NEBL: variants seen among roughly 807,000 people sequenced by gnomAD.
NEBL encodes the protein LIM and SH3 protein 2.
Under a neutral mutation model 140.2 loss-of-function variants are expected in NEBL, and 122 were observed. The observed-to-expected ratio is 0.87, with a 90% CI of 0.75 to 1.01. NEBL has a LOEUF of 1.01. Among genes scored for constraint, NEBL ranks in the 50% least tolerant of loss-of-function variants. The pLI, the probability that NEBL is intolerant of heterozygous loss-of-function variation, is 0.00. For missense variants in NEBL, 1,365 were observed against 1,231.3 expected, an observed-to-expected ratio of 1.11 and a Z score of -1.62; for synonymous variants, 436 against 398.9, an observed-to-expected ratio of 1.09 and a Z score of -1.11.
In NEBL at chr10:20,802,416, T is replaced by C. The variant is rs549390704; in HGVS notation, c.2761+6094A>G. On this transcript the variant is annotated intron_variant, in intron 26 of 27. Coordinates refer to ENST00000377122, the MANE Select transcript of NEBL (RefSeq NM_006393.3). The stretch of plus-strand genomic sequence containing the variant: ...ATTCATGAATCAAAACAAAATTGGG[T>C]AGAGGTTAAATAAAAGCCTCTGTTC... 1.6e-4 allele frequency among the ~76,000 whole-genome samples: 24 copies of C among 152,260 alleles called. 1 individual carries two copies. The highest frequency in any genetic ancestry group is 5.8e-4 in the African/African-American group (24 of 41,522).
At chr10:20,862,603 G>A (rs921079090) in intron 7 of NEBL, among the ~76,000 whole-genome samples, 1 of 152,156 alleles carries the variant, frequency 6.6e-6, no homozygotes, top group Non-Finnish European at 1.5e-5. Flanking sequence ...ATGCAGGTTT[G>A]CATCTTCTGA....
chr10:20,908,433 C>A (rs1848191151), intron 4 of NEBL, among the ~76,000 whole-genome samples: 1 of 152,112 alleles, frequency 6.6e-6, no homozygotes, highest in Admixed American at 6.5e-5. Flanking sequence ...TCCCTGTGAT[C>A]AGTGAAAACA....
intron 2 of NEBL, among the ~76,000 whole-genome samples, chr10:21,153,951 G>A (rs1840240060): frequency 6.6e-6 from 1 of 151,940 alleles, no homozygotes; most frequent in African/African-American, 2.4e-5. Context: ...AAATAGAATG[G>A]GCAAAATAGA....
At chr10:20,978,828 G>A (rs1310782313) in intron 3 of NEBL, among the ~76,000 whole-genome samples, 1 of 151,914 alleles carries the variant, frequency 6.6e-6, no homozygotes, top group Admixed American at 6.6e-5. Flanking sequence ...ATAAAAGTTG[G>A]AGCCACTCGA....
At chr10:20,970,595 G>A (rs937545404) in intron 3 of NEBL, among the ~76,000 whole-genome samples, 7 of 152,004 alleles carry the variant, frequency 4.6e-5, no homozygotes, top group Non-Finnish European at 8.8e-5. Context: ...GCTGCAGTGA[G>A]CTGTGATCAT....
Position 20,826,498 on chromosome 10 carries a change from T to A in NEBL, c.1818A>T (p.Lys606Asn). ...TCACTCGTTCGATCTCTGGGCTATC[T>A]TTCACTGCAGTGCCAGCTCCCACTT... Reference protein sequence around the residue: ...KKEVGAGTAVKDSPEIERVKK... With the variant: ...KKEVGAGTAVNDSPEIERVKK... The change falls in exon 18 of 28, where the codon AAA becomes AAT. Residue 606 changes from lysine to asparagine, a missense_variant. Transcript: ENST00000377122. The A allele has an allele frequency of 6.2e-7, 1 of 1,612,980 alleles. No homozygotes were observed. The highest frequency in any genetic ancestry group is 8.5e-7 in the Non-Finnish European group (1 of 1,179,270).
chr10:20,948,430 C>T (rs45442995), intron 4 of NEBL, among the ~76,000 whole-genome samples: 2,037 of 152,304 alleles, frequency 0.013, 22 homozygotes, highest in Non-Finnish European at 0.021. Context: ...ATTATTTTCT[C>T]CCTTAAGTAA....
intron 3 of NEBL, among the ~76,000 whole-genome samples, chr10:20,998,952 G>A (rs906280548): frequency 9.9e-5 from 15 of 152,156 alleles, no homozygotes; most frequent in African/African-American, 2.4e-4. Flanking sequence ...AACAGGATCC[G>A]CCATCTGGAA....
intron 2 of NEBL, among the ~76,000 whole-genome samples, chr10:21,166,568 G>A (rs986256237): frequency 5.3e-5 from 8 of 152,160 alleles, no homozygotes; most frequent in Admixed American, 1.3e-4. Flanking sequence ...GGACACTACT[G>A]TTTCCTGGAG....
intron 2 of NEBL, among the ~76,000 whole-genome samples, chr10:21,158,506 G>A (rs551030422): frequency 5.9e-5 from 9 of 152,256 alleles, no homozygotes; most frequent in African/African-American, 2.2e-4. Context: ...CCATTTTGTA[G>A]GTGAGGAAAC....
chr10:20,954,874 G>A (rs1835707889), intron 4 of NEBL, among the ~76,000 whole-genome samples: 1 of 152,206 alleles, frequency 6.6e-6, no homozygotes, highest in South Asian at 2.1e-4. Flanking sequence ...GGACTTGCAG[G>A]CAGAAGTGTG....
chr10:21,249,172 G>A (rs1325842942), intron 2 of NEBL, among the ~76,000 whole-genome samples: 2 of 152,068 alleles, frequency 1.3e-5, no homozygotes, highest in Admixed American at 1.3e-4. Flanking sequence ...TGAGTTACAG[G>A]CATGAGCACC....
At chr10:20,942,022 T>G (rs575768215) in intron 4 of NEBL, among the ~76,000 whole-genome samples, 1 of 152,294 alleles carries the variant, frequency 6.6e-6, no homozygotes, top group South Asian at 2.1e-4. Flanking sequence ...CCCAAGGTAA[T>G]TTGTAGATTC....
chr10:20,976,831 A>C (rs1036709074), intron 3 of NEBL, among the ~76,000 whole-genome samples: 3 of 151,886 alleles, frequency 2.0e-5, no homozygotes, highest in Admixed American at 6.6e-5. Context: ...TATGCTCACT[A>C]TTCAGGCAAC....
intron 26 of NEBL, chr10:20,793,334 G>A (rs1836181339): frequency 1.1e-5 from 11 of 970,776 alleles, no homozygotes; most frequent in Non-Finnish European, 1.3e-5. Flanking sequence ...AGTCATTACT[G>A]TTTTATATGT....
At chr10:20,896,135 T>A (rs1385018419) in intron 2 of NEBL, among the ~76,000 whole-genome samples, 1 of 152,108 alleles carries the variant, frequency 6.6e-6, no homozygotes, top group East Asian at 1.9e-4. Context: ...TGTGCTCATC[T>A]CTCTAAATGA....
At chr10:21,160,630 G>A (rs764488766) in intron 2 of NEBL, among the ~76,000 whole-genome samples, 2 of 138,252 alleles carry the variant, frequency 1.4e-5, no homozygotes, top group Non-Finnish European at 3.1e-5. Flanking sequence ...AAGAGAAACG[G>A]AGAGATAGTG....
chr10:20,826,051 C>T lies in NEBL; in HGVS notation c.1869+396G>A, dbSNP rs79107431. Among the ~76,000 whole-genome samples, 738 of 152,300 alleles carry T rather than the reference C, an allele frequency of 4.8e-3. 3 individuals carry two copies. The highest frequency in any genetic ancestry group is 0.017 in the African/African-American group (713 of 41,570). On this transcript the variant is annotated intron_variant, in intron 18 of 27. Coordinates refer to ENST00000377122, the MANE Select transcript of NEBL (RefSeq NM_006393.3). ...TTTCAAATCTAATCCTTCACTTAAG[C>T]TGCCAAATAAATGTTCTGGGGCCTT...
At chr10:20,951,679 A>G (rs1040159552) in intron 4 of NEBL, among the ~76,000 whole-genome samples, 7 of 152,176 alleles carry the variant, frequency 4.6e-5, no homozygotes, top group African/African-American at 1.7e-4. Context: ...ACCTGCCTCT[A>G]AAACTTCATT....
Sources: allele counts gnomAD v4.1 joint callset (sites outside exome capture counted in the v4.1 genomes callset), GRCh38; gene constraint gnomAD v4.1.1; transcripts MANE v1.5; gene names NCBI Gene and HGNC (gene_info 2026-07-23, HGNC 2026-07-21).